USP31: variants seen among roughly 807,000 people sequenced by gnomAD.
The protein encoded by USP31 is ubiquitin specific peptidase 31, also known as ubiquitin carboxyl-terminal hydrolase 31.
A neutral mutation model predicts 119.4 loss-of-function variants in USP31; 44 were observed. The ratio of observed to expected loss-of-function variants is 0.37; its 90% CI spans 0.29 to 0.47. The LOEUF (loss-of-function observed/expected upper bound fraction) is 0.47. Ranked by LOEUF, USP31 falls within the 20% of genes least tolerant of loss-of-function variation. USP31 has a pLI of 0.99. For missense variants in USP31, 1,643 were observed against 1,730.2 expected (o/e 0.95, Z 0.89); for synonymous variants, 749 against 705.6 (o/e 1.06, Z -0.97).
At chr16:23,118,121 C>T (rs1902555663) in intron 1 of USP31, among the ~76,000 whole-genome samples, 1 of 152,120 alleles carries the variant, frequency 6.6e-6, no homozygotes, top group Non-Finnish European at 1.5e-5. Context: ...ATGTGCTTCT[C>T]TGAGCCTCAG....
intron 1 of USP31, among the ~76,000 whole-genome samples, chr16:23,117,435 T>C (rs1362084051): frequency 1.3e-5 from 2 of 152,096 alleles, no homozygotes; most frequent in Non-Finnish European, 2.9e-5. Context: ...AATAAAGGGG[T>C]TGAATAATGG....
At chr16:23,108,241 C>T (rs933297922) in intron 1 of USP31, 58 bp from the exon 2 acceptor site, 3 of 1,537,176 alleles carry the variant, frequency 2.0e-6, no homozygotes, top group African/African-American at 2.8e-5. Context: ...TAAAGAAAAA[C>T]TATTTATTCA....
At chr16:23,102,234 T>C in intron 6 of USP31, 85 bp downstream of exon 6, 1 of 1,363,128 alleles carries the variant, frequency 7.3e-7, no homozygotes, top group African/African-American at 1.5e-5. Context: ...AAAATGTATA[T>C]CATTATATAA....
intron 6 of USP31, among the ~76,000 whole-genome samples, chr16:23,099,641 C>A (rs1012175852): frequency 1.3e-5 from 2 of 151,920 alleles, no homozygotes; most frequent in Non-Finnish European, 2.9e-5. Context: ...AAGTGTCAGA[C>A]ATGACAACAA....
rs372458975 is a variant in USP31 at position 23,069,252 on chromosome 16, G to A, written c.2853C>T (p.Asp951=). The change falls in exon 16 of 16, where the codon GAC becomes GAT. Residue 951 remains aspartate, a synonymous_variant. Transcript: ENST00000219689. Reference sequence around the variant, plus strand: ...AGTTCAATCTGCGGGTGTCCGATTCGTCTTTGAACACGCCTTCCATGACAG... The same window carrying A: ...AGTTCAATCTGCGGGTGTCCGATTCATCTTTGAACACGCCTTCCATGACAG... ...PLAVMEGVFK[D]ESDTRRLNSS... is the part of the protein sequence containing the mutation. The A allele has an allele frequency of 6.1e-5, 99 of 1,613,960 alleles. 1 individual carries two copies. The South Asian group carries it at 8.5e-4, about 14-fold the overall frequency.
chr16:23,133,762 G>A (rs532752636), intron 1 of USP31, among the ~76,000 whole-genome samples: 1 of 152,228 alleles, frequency 6.6e-6, no homozygotes, highest in South Asian at 2.1e-4. Flanking sequence ...CCAAATTAAT[G>A]CATATATTTA....
At chr16:23,148,590 C>T (rs1333830158) in intron 1 of USP31, 48 bp downstream of exon 1, 1 of 1,413,884 alleles carries the variant, frequency 7.1e-7, no homozygotes, top group Non-Finnish European at 9.1e-7. Context: ...CGGGCAGGTG[C>T]CCCAGGGGCT....
In USP31 at chr16:23,090,798, T is replaced by G. The variant is rs1901328289; in HGVS notation, c.1241A>C (p.His414Pro). The G allele has an allele frequency of 6.4e-7, 1 of 1,557,434 alleles. No homozygotes were observed. Among genetic ancestry groups the G allele is most frequent in the South Asian group, 1.2e-5 (1 of 83,660 alleles). The part of the protein sequence containing the change: ...PEGILSQRGI[H>P]LNNNLNHLKF... Reference sequence around the variant, plus strand: ...CAAGTGGTTTAGGTTGTTGTTTAAATGAATTCCTGAAACAGAATAAAAACA... The same window carrying G: ...CAAGTGGTTTAGGTTGTTGTTTAAAGGAATTCCTGAAACAGAATAAAAACA... The change falls in exon 7 of 16, where the codon CAT (histidine) becomes CCT (proline). Residue 414 changes from histidine (H) to proline (P), a missense_variant. By Grantham distance (77) the His-to-Pro change is moderately conservative (BLOSUM62 -2). Coordinates refer to ENST00000219689, the MANE Select transcript of USP31 (RefSeq NM_020718.4).
chr16:23,072,932 G>C (rs1900406673), intron 14 of USP31, among the ~76,000 whole-genome samples: 1 of 151,898 alleles, frequency 6.6e-6, no homozygotes, highest in African/African-American at 2.4e-5. Flanking sequence ...CTGCTTGAGA[G>C]ATGCCTTGTT....
chr16:23,127,642 G>GTT (rs397766138), intron 1 of USP31, among the ~76,000 whole-genome samples: 16 of 128,100 alleles, frequency 1.2e-4, no homozygotes, highest in East Asian at 4.5e-4. Flanking sequence ...AATTTTTGTA[G>GTT]TTTTTTTTTT....
intron 1 of USP31, among the ~76,000 whole-genome samples, chr16:23,132,483 C>G (rs556560713): frequency 2.0e-5 from 3 of 152,126 alleles, no homozygotes; most frequent in Admixed American, 2.0e-4. Flanking sequence ...AGGAAAAATC[C>G]ATCAAGCCAC....
chr16:23,095,339 G>A (rs1182334922), intron 6 of USP31, among the ~76,000 whole-genome samples: 1 of 152,082 alleles, frequency 6.6e-6, no homozygotes. Context: ...AAAAAATATG[G>A]GGCTACGTGA....
chr16:23,122,040 A>G (rs543149364), intron 1 of USP31, among the ~76,000 whole-genome samples: 25 of 152,354 alleles, frequency 1.6e-4, no homozygotes, highest in African/African-American at 5.8e-4. Flanking sequence ...CACATGATGA[A>G]AATCTGGATA....
rs565280450 is a variant in USP31, at chr16:23,128,548, T to C, written c.633+20090A>G. On this transcript the variant is annotated intron_variant, in intron 1 of 15. Coordinates refer to ENST00000219689, the MANE Select transcript of USP31 (RefSeq NM_020718.4). Reference sequence around the variant, plus strand: ...TAAAGGAGGGGGAAAAATCAAGCTTTTATCTAGCCTTTCTTCTGAAAAATT... The same window carrying C: ...TAAAGGAGGGGGAAAAATCAAGCTTCTATCTAGCCTTTCTTCTGAAAAATT... Among the ~76,000 whole-genome samples the C allele has an allele frequency of 2.6e-5, 4 of 152,310 alleles. No homozygotes were observed. In the South Asian group the frequency reaches 8.3e-4, roughly 32 times the overall value.
Position 23,105,373 on chromosome 16 carries a change from A to G in USP31, c.1089+68T>C. The G allele has an allele frequency of 2.1e-6, 3 of 1,446,570 alleles. No individual in the cohort carries two copies. The South Asian group carries it at 4.9e-5, about 23-fold the overall frequency. The allele number at this position is 1,446,570 out of a possible 1,614,324, so 89.6% of individuals were successfully genotyped here. On this transcript the variant is annotated intron_variant, in intron 5 of 15. Transcript: ENST00000219689. ...ACCATACTTGGCAAAGAACTGTAAA[A>G]AATTCTAAGAGAACAGAAAGCAATA...
intron 12 of USP31, among the ~76,000 whole-genome samples, chr16:23,080,862 T>C (rs1567228453): frequency 6.6e-6 from 1 of 152,098 alleles, no homozygotes; most frequent in Non-Finnish European, 1.5e-5. Flanking sequence ...GAGAAAGGGA[T>C]GATGGGTCCT....
chr16:23,103,144 C>T (rs143984986), intron 5 of USP31, among the ~76,000 whole-genome samples: 376 of 152,252 alleles, frequency 2.5e-3, no homozygotes, highest in Non-Finnish European at 4.6e-3. Flanking sequence ...AATGTCTAAC[C>T]TCCGTTTCAC....
Position 23,080,059 on chromosome 16 carries a change from T to C in USP31, c.2063A>G (p.His688Arg), listed in dbSNP as rs202149010. 394 of 1,613,974 alleles carry C rather than the reference T, an allele frequency of 2.4e-4. 3 individuals carry two copies. The highest frequency in any genetic ancestry group is 5.7e-4 in the Admixed American group (34 of 59,998). Residue 688 changes from histidine (H) to arginine (R), a missense_variant, in exon 13 of 16, where the codon CAT (histidine) becomes CGT (arginine). By Grantham distance (29) the His-to-Arg change is conservative. Coordinates refer to ENST00000219689, the MANE Select transcript of USP31 (RefSeq NM_020718.4). ...RSQSSWSLPSHWSPWRRPYGL... is the reference protein window; with the variant it reads ...RSQSSWSLPSRWSPWRRPYGL... ...ATAGGGCCGTCTCCACGGGGACCAA[T>C]GCGATGGCAAACTCCAGCTGCTCTG... is the stretch of plus-strand genomic sequence containing the variant.
At chr16:23,070,487 G>A (rs759651829) in intron 15 of USP31, among the ~76,000 whole-genome samples, 7 of 152,132 alleles carry the variant, frequency 4.6e-5, no homozygotes, top group Non-Finnish European at 1.0e-4. Flanking sequence ...GCTGAGGTGG[G>A]CAGATCACGA....
Sources: allele counts gnomAD v4.1 joint callset (sites outside exome capture counted in the v4.1 genomes callset), GRCh38; gene constraint gnomAD v4.1.1; transcripts MANE v1.5; gene names NCBI Gene and HGNC (gene_info 2026-07-23, HGNC 2026-07-21).